PKHD1: variants seen among roughly 807,000 people sequenced by gnomAD.
The protein encoded by PKHD1 is PKHD1 ciliary IPT domain containing fibrocystin/polyductin.
A neutral mutation model predicts 412.0 loss-of-function variants in PKHD1; 291 were observed. That is an observed-to-expected ratio of 0.71 (90% CI 0.64 to 0.78). The LOEUF (loss-of-function observed/expected upper bound fraction) is 0.78, where lower values mean the gene tolerates loss of function less well. PKHD1 is among the 30% of genes least tolerant of loss of function. The pLI is 0.00. For synonymous variants in PKHD1, 1,777 were observed against 1,821.5 expected, an observed-to-expected ratio of 0.98 and a Z score of 0.62; for missense variants, 4,825 against 4,950.7, an observed-to-expected ratio of 0.97 and a Z score of 0.76.
At chr6:51,764,671 C>T (rs907922524) in intron 55 of PKHD1, among the ~76,000 whole-genome samples, 2 of 152,036 alleles carry the variant, frequency 1.3e-5, no homozygotes, top group African/African-American at 4.8e-5. Flanking sequence ...ACCCAAATGT[C>T]CAACAATGAT....
chr6:52,042,788 G>T, intron 27 of PKHD1, 71 bp downstream of exon 27: 3 of 1,334,230 alleles, frequency 2.2e-6, no homozygotes, highest in Non-Finnish European at 3.2e-6. Context: ...TACACAGAAG[G>T]ACTAGATTCC....
At chr6:51,959,047 T>C (rs1791596387) in intron 36 of PKHD1, among the ~76,000 whole-genome samples, 1 of 152,162 alleles carries the variant, frequency 6.6e-6, no homozygotes, top group Non-Finnish European at 1.5e-5. Flanking sequence ...TTATCCTCTT[T>C]AAAATATTTT....
At chr6:51,762,715 G>A (rs1386123029) in intron 55 of PKHD1, among the ~76,000 whole-genome samples, 1 of 151,346 alleles carries the variant, frequency 6.6e-6, no homozygotes, top group African/African-American at 2.4e-5. Flanking sequence ...CAGTTCATCT[G>A]AAATATGCTT....
chr6:51,726,787 T>A (rs1782626754), intron 60 of PKHD1, among the ~76,000 whole-genome samples: 1 of 152,302 alleles, frequency 6.6e-6, no homozygotes, highest in East Asian at 1.9e-4. Flanking sequence ...TTATTTCAAC[T>A]AAGACTAAGG....
chr6:51,662,545 AG>A (rs931609160), intron 60 of PKHD1, among the ~76,000 whole-genome samples: 61 of 152,048 alleles, frequency 4.0e-4, no homozygotes, highest in African/African-American at 1.4e-3. Flanking sequence ...ATTTAGAAAA[AG>A]ATCACAGAAA....
chr6:52,014,727 T>G (rs1800279072), intron 34 of PKHD1, among the ~76,000 whole-genome samples: 1 of 144,090 alleles, frequency 6.9e-6, no homozygotes, highest in Non-Finnish European at 1.5e-5. Flanking sequence ...GATGGATGGA[T>G]GGATGGATGG....
intron 37 of PKHD1, among the ~76,000 whole-genome samples, chr6:51,929,535 G>GA (rs1346034663): frequency 1.3e-5 from 2 of 152,130 alleles, no homozygotes; most frequent in Admixed American, 1.3e-4. Flanking sequence ...AGCACAATGT[G>GA]AAAACCACTG....
chr6:51,643,290 T>C (rs1342279161), intron 63 of PKHD1, among the ~76,000 whole-genome samples: 1 of 152,162 alleles, frequency 6.6e-6, no homozygotes, highest in Non-Finnish European at 1.5e-5. Flanking sequence ...CTTAATGACA[T>C]GCCTTGTGTC....
intron 5 of PKHD1, among the ~76,000 whole-genome samples, chr6:52,077,032 C>A (rs1811418510): frequency 6.6e-6 from 1 of 152,130 alleles, no homozygotes; most frequent in Non-Finnish European, 1.5e-5. Context: ...TTACAATGCC[C>A]CCTGTCCCCA....
At chr6:51,787,165 C>G (rs1034040443) in intron 53 of PKHD1, among the ~76,000 whole-genome samples, 1 of 152,110 alleles carries the variant, frequency 6.6e-6, no homozygotes, top group Admixed American at 6.5e-5. Context: ...TCAAGACCAG[C>G]CTGGCCAACA....
chr6:51,638,667 T>C (rs562869061), intron 64 of PKHD1, among the ~76,000 whole-genome samples, 182 bp downstream of exon 64: 1 of 152,048 alleles, frequency 6.6e-6, no homozygotes, highest in African/African-American at 2.4e-5. Context: ...TAACCTGAGG[T>C]TTCCATTTCT....
At chr6:51,666,676 C>T (rs1033540020) in intron 60 of PKHD1, among the ~76,000 whole-genome samples, 3 of 146,978 alleles carry the variant, frequency 2.0e-5, no homozygotes, top group Non-Finnish European at 4.5e-5. Context: ...GTATATCTCC[C>T]AATGCTATCC....
chr6:51,855,781 A>G lies in PKHD1; in HGVS notation c.7911+112T>C, dbSNP rs560565059. 188 of 879,714 alleles carry G rather than the reference A, an allele frequency of 2.1e-4. No homozygotes were observed. In the South Asian group the frequency reaches 2.4e-3, roughly 11 times the overall value. The allele number at this position is 879,714 out of a possible 1,614,324, so 54.5% of individuals were successfully genotyped here. A position where few individuals can be genotyped will look rare whatever the true frequency, so the allele number is the denominator to read the frequency against. On this transcript the variant is annotated intron_variant, in intron 49 of 66. Coordinates refer to ENST00000371117, the MANE Select transcript of PKHD1 (RefSeq NM_138694.4). ...TTCTTTATCTGCATCAGAATATGCCAAGACTTTCAATAACGAGATAACCTG... is the reference window on the plus strand; with the variant it reads ...TTCTTTATCTGCATCAGAATATGCCGAGACTTTCAATAACGAGATAACCTG...
chr6:51,908,483 T>C (rs1782473314), intron 40 of PKHD1, among the ~76,000 whole-genome samples: 1 of 152,112 alleles, frequency 6.6e-6, no homozygotes. Flanking sequence ...TGGGGAGGAT[T>C]ACTCAGAAAT....
intron 52 of PKHD1, among the ~76,000 whole-genome samples, chr6:51,802,550 G>A (rs1008217714): frequency 1.1e-4 from 17 of 151,424 alleles, no homozygotes; most frequent in African/African-American, 3.4e-4. Flanking sequence ...CAAACTAAGC[G>A]CCAAACTTAT....
intron 35 of PKHD1, among the ~76,000 whole-genome samples, chr6:51,970,057 A>G (rs1793436968): frequency 6.6e-6 from 1 of 152,208 alleles, no homozygotes; most frequent in Non-Finnish European, 1.5e-5. Flanking sequence ...TCCCACCAAC[A>G]GTGTATAAAT....
intron 63 of PKHD1, among the ~76,000 whole-genome samples, chr6:51,639,583 A>AAAAAAC (rs542725660): frequency 1.3e-5 from 2 of 151,686 alleles, no homozygotes; most frequent in East Asian, 3.8e-4. Context: ...ACTAAAATGA[A>AAAAAAC]AAAAACAAAA....
intron 60 of PKHD1, among the ~76,000 whole-genome samples, chr6:51,701,407 A>G (rs138021196): frequency 0.012 from 1,844 of 152,230 alleles, 21 homozygotes; most frequent in South Asian, 0.048. Flanking sequence ...TAAAGAGTTA[A>G]GTCTGTCCAA....
In PKHD1 at chr6:51,868,023, C is replaced by A; in HGVS notation, c.7573G>T (p.Glu2525Ter). Residue 2525 changes from glutamate to a stop codon, truncating the protein, a stop_gained, in exon 48 of 67, where the codon GAA (glutamate) becomes TAA (stop). Transcript: ENST00000371117. LOFTEE classifies it high-confidence loss of function. ...AFPFPHAAIL[E>*]DLDGSLSGKN... Reference sequence around the variant, plus strand: ...CCAGACAGAGACCCATCCAAGTCTTCCAAAATTGCTGCATGAGGAAATGGA... The same window carrying A: ...CCAGACAGAGACCCATCCAAGTCTTACAAAATTGCTGCATGAGGAAATGGA... 1.2e-6 allele frequency: 2 copies of A among 1,612,694 alleles called. No individual in the cohort carries two copies. The highest frequency in any genetic ancestry group is 2.2e-5 in the South Asian group (2 of 91,048).
Sources: allele counts gnomAD v4.1 joint callset (sites outside exome capture counted in the v4.1 genomes callset), GRCh38; gene constraint gnomAD v4.1.1; transcripts MANE v1.5; gene names NCBI Gene and HGNC (gene_info 2026-07-23, HGNC 2026-07-21).